The following TSPEAR variants were observed in gnomAD, a reference collection of about 807,000 sequenced individuals.
TSPEAR encodes thrombospondin-type laminin G domain and EAR repeat-containing protein.
TSPEAR carries 69 observed loss-of-function variants against 71.6 expected under a neutral mutation model. That is an observed-to-expected ratio of 0.96 (90% confidence interval 0.79 to 1.18). The LOEUF is 1.18. Ranked by LOEUF, TSPEAR falls within the 50% of genes most tolerant of loss-of-function variation. The probability of loss-of-function intolerance (pLI) is 0.00; values close to 1 mark genes in which losing one functional copy is unlikely to be tolerated. For missense variants in TSPEAR, 971 were observed against 894.9 expected, an observed-to-expected ratio of 1.09 and a Z score of -1.09; for synonymous variants, 402 against 387.2, an observed-to-expected ratio of 1.04 and a Z score of -0.45.
intron 1 of TSPEAR, among the ~76,000 whole-genome samples, chr21:44,660,944 G>A (rs1443504257): frequency 2.6e-5 from 4 of 151,758 alleles, no homozygotes; most frequent in African/African-American, 9.7e-5. Flanking sequence ...TCTGTCCTGG[G>A]AACAAAAAGA....
intron 1 of TSPEAR, among the ~76,000 whole-genome samples, chr21:44,644,046 A>G (rs1555939022): frequency 1.3e-5 from 2 of 152,150 alleles, no homozygotes. Context: ...TGCCCTCCAG[A>G]CTCACATCCC....
intron 1 of TSPEAR, among the ~76,000 whole-genome samples, chr21:44,626,636 G>A (rs1555934409): frequency 6.6e-6 from 1 of 152,196 alleles, no homozygotes; most frequent in South Asian, 2.1e-4. Flanking sequence ...GAGGCCATGG[G>A]GATTAGAAAT....
intron 1 of TSPEAR, among the ~76,000 whole-genome samples, chr21:44,633,320 G>T (rs1184545920): frequency 6.6e-6 from 1 of 152,064 alleles, no homozygotes; most frequent in Non-Finnish European, 1.5e-5. Context: ...TGTGAAGTTA[G>T]ATTACTGAAT....
chr21:44,661,057 C>T (rs113117056), intron 1 of TSPEAR, among the ~76,000 whole-genome samples: 25 of 152,064 alleles, frequency 1.6e-4, no homozygotes, highest in African/African-American at 5.5e-4. Flanking sequence ...TTTGGGAGGC[C>T]GAGGCAAGCA....
At position 44,666,749 on chromosome 21, in the gene TSPEAR, C is replaced by T. The variant is rs373501993; in HGVS notation, c.82+44684G>A. The T allele has an allele frequency of 3.7e-6, 6 of 1,613,930 alleles. No individual in the cohort carries two copies. The African/African-American group carries it at 8.0e-5, about 22-fold the overall frequency. ...ACACGGCTGGCTTGAAGCTCACGGGCACACACACGGAGGACTGGCAGCCCA... is the reference window on the plus strand; with the variant it reads ...ACACGGCTGGCTTGAAGCTCACGGGTACACACACGGAGGACTGGCAGCCCA... On this transcript the variant is annotated intron_variant, in intron 1 of 11. Transcript: ENST00000323084.
intron 1 of TSPEAR, chr21:44,702,816 A>G: frequency 1.8e-6 from 2 of 1,126,818 alleles, no homozygotes; most frequent in Non-Finnish European, 2.6e-6. Flanking sequence ...CACGTCCCCC[A>G]GGGCCAGCCA....
At chr21:44,597,175 CAG>C (rs1980417904) in intron 1 of TSPEAR, among the ~76,000 whole-genome samples, 1 of 150,066 alleles carries the variant, frequency 6.7e-6, no homozygotes, top group African/African-American at 2.5e-5. Context: ...AATTAAAAAA[CAG>C]TTTTTTATTT....
intron 1 of TSPEAR, among the ~76,000 whole-genome samples, chr21:44,674,715 G>T (rs1555946584): frequency 6.7e-6 from 1 of 149,884 alleles, no homozygotes; most frequent in East Asian, 2.0e-4. Flanking sequence ...GTGACAAAGG[G>T]AGACTCTGTC....
chr21:44,550,595 C>A lies in TSPEAR; in HGVS notation c.304-16672G>T, dbSNP rs587754696. The A allele has an allele frequency of 7.9e-6, 12 of 1,527,862 alleles. No homozygotes were observed. In the African/African-American group the frequency reaches 1.5e-4, roughly 19 times the overall value. 94.6% of individuals were successfully genotyped at this position (1,527,862 alleles called of 1,614,324 possible). A position where few individuals can be genotyped will look rare whatever the true frequency, so the allele number is the denominator to read the frequency against. On this transcript the variant is annotated intron_variant, in intron 2 of 11. Transcript: ENST00000323084. ...GCGGCTGTGGCTGGGGCTGCTCCTT[C>A]TGTGCTGAGCTGTGCTGAGGCTGGG...
At chr21:44,705,068 T>C (rs1257894251) in intron 1 of TSPEAR, among the ~76,000 whole-genome samples, 1 of 152,222 alleles carries the variant, frequency 6.6e-6, no homozygotes, top group African/African-American at 2.4e-5. Flanking sequence ...GCTGAAACCA[T>C]GGCAGAAGAA....
chr21:44,593,123 C>T lies in TSPEAR; in HGVS notation c.83-25118G>A, dbSNP rs961979131. Among the ~76,000 whole-genome samples, 3 of 152,228 alleles carry T rather than the reference C, an allele frequency of 2.0e-5. No individual in the cohort carries two copies. Among genetic ancestry groups the T allele is most frequent in the African/African-American group, 7.2e-5 (3 of 41,462 alleles). The stretch of plus-strand genomic sequence containing the variant: ...TTGGAGGCAGCAGGACCTGTGTGTT[C>T]CAGGGCAAGGACGGTGGGCTTGGCC... On this transcript the variant is annotated intron_variant, in intron 1 of 11. Transcript: ENST00000323084. The surrounding 1 kb of genome is among the most constrained non-coding windows in gnomAD (Gnocchi z 5.9).
At chr21:44,558,164 GCA>G in intron 2 of TSPEAR, 1 of 1,611,314 alleles carries the variant, frequency 6.2e-7, no homozygotes, top group Non-Finnish European at 8.5e-7. Context: ...AGCTGGGCTG[GCA>G]GGTGGAGGCA....
At chr21:44,677,266 C>T in intron 1 of TSPEAR, 1 of 736,486 alleles carries the variant, frequency 1.4e-6, no homozygotes, top group Non-Finnish European at 2.5e-6. Flanking sequence ...TCATCTACTG[C>T]CTTTCTGTGT....
At chr21:44,649,385 G>GA (rs1984638207) in intron 1 of TSPEAR, among the ~76,000 whole-genome samples, 1 of 152,198 alleles carries the variant, frequency 6.6e-6, no homozygotes, top group Non-Finnish European at 1.5e-5. Context: ...GAAGTTTCTA[G>GA]ATATGGGCCT....
intron 1 of TSPEAR, among the ~76,000 whole-genome samples, chr21:44,654,920 G>T (rs587632108): frequency 6.6e-6 from 1 of 152,260 alleles, no homozygotes; most frequent in South Asian, 2.1e-4. Context: ...CCACCTCATG[G>T]ATGTTCAAGG....
At chr21:44,596,373 C>A (rs1452570801) in intron 1 of TSPEAR, among the ~76,000 whole-genome samples, 1 of 152,242 alleles carries the variant, frequency 6.6e-6, no homozygotes. Flanking sequence ...CAGTCCCAAC[C>A]ACACTCAAGG....
intron 4 of TSPEAR, among the ~76,000 whole-genome samples, chr21:44,530,645 G>A (rs1569167681): frequency 6.6e-6 from 1 of 152,242 alleles, no homozygotes; most frequent in Non-Finnish European, 1.5e-5. Flanking sequence ...ACTCAGCAGG[G>A]AACAAAGGCC....
At chr21:44,689,374 T>C (rs6518201) in intron 1 of TSPEAR, among the ~76,000 whole-genome samples, 74,454 of 150,820 alleles carry the variant, frequency 0.49, 18,527 homozygotes, top group Middle Eastern at 0.56. Context: ...TGTTGGCGGG[T>C]GCCTGTAGTC....
chr21:44,592,181 A>G (rs782451272), intron 1 of TSPEAR: 5 of 1,576,452 alleles, frequency 3.2e-6, no homozygotes, highest in Non-Finnish European at 4.3e-6. Context: ...CAGGGGGAGG[A>G]GGCACAGCAA....
Sources: gnomAD v4.1 joint callset for allele counts (sites outside exome capture counted in the v4.1 genomes callset) on GRCh38, gnomAD v4.1.1 for gene constraint, Gnocchi (gnomAD v3.1) non-coding constraint, MANE v1.5 for transcripts, NCBI Gene and HGNC (gene_info 2026-07-23, HGNC 2026-07-21) for gene names.